GARIN2: variants seen among roughly 807,000 people sequenced by gnomAD.
GARIN2 encodes golgi associated RAB2 interactor family member 2, also known as Golgi-associated RAB2 interactor protein 2.
chr14:67,193,954 C>CAAAAAAAAAAAA, the GARIN2 span, among the ~76,000 whole-genome samples: 2 of 85,760 alleles, frequency 2.3e-5, no homozygotes, highest in Non-Finnish European at 2.5e-5. Flanking sequence ...CAAAAAAAAA[C>CAAAAAAAAAAAA]AAAAAAAAAA....
chr14:67,201,251 G>A, the GARIN2 span, among the ~76,000 whole-genome samples: 2 of 152,168 alleles, frequency 1.3e-5, no homozygotes, highest in African/African-American at 2.4e-5. Flanking sequence ...CTAGGATGGC[G>A]CTACTGCACT....
the GARIN2 span, chr14:67,227,777 A>G: frequency 2.0e-5 from 3 of 152,200 alleles, no homozygotes; most frequent in African/African-American, 7.2e-5. Context: ...TTTGCTAGAA[A>G]TTTAAAAGAG....
chr14:67,213,241 G>T, the GARIN2 span, among the ~76,000 whole-genome samples: 2 of 149,712 alleles, frequency 1.3e-5, no homozygotes, highest in South Asian at 2.1e-4. Flanking sequence ...GTATACATGT[G>T]CCATGCTGGT....
the GARIN2 span, chr14:67,208,565 G>A: frequency 9.2e-7 from 1 of 1,087,108 alleles, no homozygotes; most frequent in Non-Finnish European, 1.3e-6. Context: ...AGAGACAGAT[G>A]TAGTGTAACT....
chr14:67,214,407 G>A, the GARIN2 span, among the ~76,000 whole-genome samples: 47 of 152,152 alleles, frequency 3.1e-4, 1 homozygote, highest in East Asian at 1.5e-3. Context: ...TCCCAGCACC[G>A]TTTATTAAAT....
chr14:67,225,961 GTGCGCGCGCGCGCGTGCGCA>G, the GARIN2 span, among the ~76,000 whole-genome samples: 1 of 112,332 alleles, frequency 8.9e-6, no homozygotes, highest in South Asian at 3.2e-4. Flanking sequence ...GTGTGTGTGT[GTGCGCGCGCGCGCGTGCGCA>G]TGCGCGTGCA....
At chr14:67,223,618 G>C in the GARIN2 span, 2 of 598,868 alleles carry the variant, frequency 3.3e-6, no homozygotes, top group Non-Finnish European at 4.2e-6. Flanking sequence ...TAAATCACAA[G>C]GGTGGCACAA....
the GARIN2 span, among the ~76,000 whole-genome samples, chr14:67,190,931 G>A: frequency 2.0e-5 from 3 of 152,194 alleles, no homozygotes; most frequent in East Asian, 3.9e-4. Flanking sequence ...GGTAAATGCT[G>A]TCATTTAAGA....
the GARIN2 span, among the ~76,000 whole-genome samples, chr14:67,209,376 G>A: frequency 1.2e-4 from 19 of 152,182 alleles, no homozygotes; most frequent in Non-Finnish European, 2.5e-4. Context: ...AGGTGGTCAA[G>A]GCCATTTGAG....
At chr14:67,198,044 A>G in the GARIN2 span, 1 of 1,263,788 alleles carries the variant, frequency 7.9e-7, no homozygotes, top group Non-Finnish European at 1.1e-6. Flanking sequence ...ACAGATATTG[A>G]TAAAATTTGC....
chr14:67,221,561 C>T, the GARIN2 span, among the ~76,000 whole-genome samples: 15 of 152,172 alleles, frequency 9.9e-5, no homozygotes, highest in Admixed American at 2.6e-4. Context: ...TAAACTTTTA[C>T]GGCTTTTACA....
the GARIN2 span, among the ~76,000 whole-genome samples, chr14:67,217,124 C>T: frequency 1.7e-4 from 26 of 151,900 alleles, no homozygotes; most frequent in Non-Finnish European, 2.9e-4. Context: ...TATATCTTCA[C>T]GTTAAATTGA....
chr14:67,200,207 T>C, the GARIN2 span: 4 of 1,105,898 alleles, frequency 3.6e-6, no homozygotes, highest in East Asian at 8.1e-5. Flanking sequence ...ATGCCCCCCA[T>C]GGATACACTG....
chr14:67,203,058 C>T, the GARIN2 span: 1 of 1,593,108 alleles, frequency 6.3e-7, no homozygotes, highest in Non-Finnish European at 8.5e-7. Context: ...CCACACATTT[C>T]ATCATATAAC....
At chr14:67,213,433 C>T in the GARIN2 span, among the ~76,000 whole-genome samples, 5 of 145,522 alleles carry the variant, frequency 3.4e-5, no homozygotes, top group East Asian at 2.1e-4. Flanking sequence ...TTTGTTCTTG[C>T]GATAGTTTAC....
the GARIN2 span, chr14:67,204,958 A>C: frequency 6.2e-7 from 1 of 1,604,356 alleles, no homozygotes; most frequent in Non-Finnish European, 8.5e-7. Flanking sequence ...CCCGGATGTA[A>C]GAATTGTCAC....
the GARIN2 span, chr14:67,208,115 G>A: frequency 6.5e-7 from 1 of 1,540,982 alleles, no homozygotes. Flanking sequence ...TGAATGAAAT[G>A]GTGCCTGTAT....
the GARIN2 span, chr14:67,202,921 T>C: frequency 4.1e-6 from 1 of 242,150 alleles, no homozygotes; most frequent in Non-Finnish European, 6.7e-6. Flanking sequence ...GGTCAGAGGC[T>C]GTGTCTGTTC....
the GARIN2 span, among the ~76,000 whole-genome samples, chr14:67,196,350 G>A: frequency 6.6e-6 from 1 of 151,896 alleles, no homozygotes; most frequent in East Asian, 1.9e-4. Flanking sequence ...CCGAATAGCT[G>A]GGATTACAGG....
Sources: allele counts gnomAD v4.1 joint callset (sites outside exome capture counted in the v4.1 genomes callset), GRCh38; gene constraint gnomAD v4.1.1; transcripts MANE v1.5; gene names NCBI Gene and HGNC (gene_info 2026-07-23, HGNC 2026-07-21).